MKLN1: variants seen among roughly 807,000 people sequenced by gnomAD.
MKLN1 encodes muskelin.
Under a neutral mutation model 99.0 loss-of-function variants are expected in MKLN1, and 18 were observed. The observed-to-expected ratio is 0.18, with a 90% CI of 0.13 to 0.27. MKLN1 has a LOEUF of 0.27. MKLN1 is among the 10% of genes least tolerant of loss of function. The pLI, the probability that MKLN1 is intolerant of heterozygous loss-of-function variation, is 1.00. For missense variants in MKLN1, 621 were observed against 875.9 expected (o/e 0.71, Z 3.67); for synonymous variants, 288 against 293.2 (o/e 0.98, Z 0.18).
At chr7:131,465,396 TTAATGTAATAG>T (rs1189372151) in intron 14 of MKLN1, among the ~76,000 whole-genome samples, 1 of 152,206 alleles carries the variant, frequency 6.6e-6, no homozygotes, top group Non-Finnish European at 1.5e-5. Context: ...AGATAATTGA[TTAATGTAATAG>T]TGAAATCATT....
In MKLN1 at chr7:131,466,270, T is replaced by G; in HGVS notation, c.1789-6T>G. 1.3e-6 allele frequency: 2 copies of G among 1,587,634 alleles called. No homozygotes were observed. Among genetic ancestry groups the G allele is most frequent in the Non-Finnish European group, 8.6e-7 (1 of 1,164,152 alleles). The stretch of plus-strand genomic sequence containing the variant: ...TTAAAAATCTGGCTTATTTTGCTTA[T>G]TATAGGTTCATTACTTATTTGGTGG... On this transcript the variant is annotated splice_polypyrimidine_tract_variant and splice_region_variant and intron_variant, in intron 14 of 17. Coordinates refer to ENST00000352689, the MANE Select transcript of MKLN1 (RefSeq NM_013255.5).
chr7:131,410,894 T>C (rs1794854267), intron 6 of MKLN1, among the ~76,000 whole-genome samples: 1 of 152,206 alleles, frequency 6.6e-6, no homozygotes, highest in African/African-American at 2.4e-5. Flanking sequence ...TTTCTCCTGC[T>C]TCTATTTTGC....
In MKLN1 at chr7:131,397,341, G is replaced by C. The variant is rs1225445035; in HGVS notation, c.475G>C (p.Asp159His). ...TGAACTTAGTGGCATTGATGATCCT[G>C]ATATAGTACAACCTTGTCTCAACTG... Reference protein sequence around the residue: ...YVELSGIDDPDIVQPCLNWYS... With the variant: ...YVELSGIDDPHIVQPCLNWYS... The change falls in exon 5 of 18, where the codon GAT becomes CAT. Residue 159 changes from aspartate (D) to histidine (H), a missense_variant. Transcript: ENST00000352689. The C allele has an allele frequency of 3.1e-6, 5 of 1,612,396 alleles. No homozygotes were observed. Among genetic ancestry groups the C allele is most frequent in the African/African-American group, 1.3e-5 (1 of 74,850 alleles).
At chr7:131,238,006 G>A (rs1040939033) in intron 3 of MKLN1, among the ~76,000 whole-genome samples, 2 of 152,122 alleles carry the variant, frequency 1.3e-5, no homozygotes, top group African/African-American at 2.4e-5. Context: ...AATTATCTGG[G>A]CATGGTGGTG....
chr7:131,408,638 A>G (rs1010964792), intron 6 of MKLN1, among the ~76,000 whole-genome samples: 1 of 151,982 alleles, frequency 6.6e-6, no homozygotes, highest in Non-Finnish European at 1.5e-5. Context: ...GTATGTGGGC[A>G]TGTGTGTGCA....
At chr7:131,401,556 C>T (rs1302930951) in intron 6 of MKLN1, among the ~76,000 whole-genome samples, 1 of 152,154 alleles carries the variant, frequency 6.6e-6, no homozygotes, top group Non-Finnish European at 1.5e-5. Context: ...CTACCTTTCT[C>T]CCTTTGTCTT....
At chr7:131,416,951 CT>C (rs1401737861) in intron 8 of MKLN1, among the ~76,000 whole-genome samples, 4 of 144,316 alleles carry the variant, frequency 2.8e-5, no homozygotes, top group African/African-American at 5.2e-5. Flanking sequence ...CACTGCACAC[CT>C]GCCTGGGCAA....
chr7:131,335,959 G>A (rs1584617917), intron 1 of MKLN1, among the ~76,000 whole-genome samples: 1 of 150,194 alleles, frequency 6.7e-6, no homozygotes, highest in Non-Finnish European at 1.5e-5. Context: ...TTATTGTGTT[G>A]TACAAATCTT....
intron 1 of MKLN1, among the ~76,000 whole-genome samples, chr7:131,333,521 G>GTAGTTTT (rs1799156934): frequency 6.6e-6 from 1 of 152,034 alleles, no homozygotes; most frequent in African/African-American, 2.4e-5. Context: ...GAGTCATGAG[G>GTAGTTTT]TAGTTTTGCT....
chr7:131,413,793 C>T (rs1233345560), intron 7 of MKLN1, among the ~76,000 whole-genome samples: 1 of 152,170 alleles, frequency 6.6e-6, no homozygotes, highest in Non-Finnish European at 1.5e-5. Context: ...CCCACCTTGG[C>T]CTCCCAGAGT....
intron 1 of MKLN1, among the ~76,000 whole-genome samples, chr7:131,366,965 G>A (rs999509819): frequency 6.6e-6 from 1 of 152,118 alleles, no homozygotes; most frequent in South Asian, 2.1e-4. Flanking sequence ...GTAATCGTTT[G>A]TTACTGACAT....
At chr7:131,234,325 A>C (rs1332336122) in intron 3 of MKLN1, among the ~76,000 whole-genome samples, 3 of 152,190 alleles carry the variant, frequency 2.0e-5, no homozygotes, top group Non-Finnish European at 4.4e-5. Context: ...GGGAAGAAGA[A>C]GAAAATTAAC....
chr7:131,435,925 C>T (rs1444469859), intron 9 of MKLN1, among the ~76,000 whole-genome samples: 1 of 151,704 alleles, frequency 6.6e-6, no homozygotes, highest in Non-Finnish European at 1.5e-5. Context: ...ACTTGGTCAT[C>T]ATTTTAATAT....
intron 1 of MKLN1, among the ~76,000 whole-genome samples, chr7:131,141,368 T>C (rs1346365376): frequency 6.6e-6 from 1 of 152,236 alleles, no homozygotes; most frequent in African/African-American, 2.4e-5. Flanking sequence ...TCTTAGTGAA[T>C]GATATCCACT....
chr7:131,407,318 CTTTT>C (rs953356077), intron 6 of MKLN1, among the ~76,000 whole-genome samples: 1 of 151,684 alleles, frequency 6.6e-6, no homozygotes, highest in African/African-American at 2.4e-5. Context: ...GAGAGAGTTG[CTTTT>C]TTTTATTTGT....
At chr7:131,449,674 C>G (rs984070490) in intron 12 of MKLN1, among the ~76,000 whole-genome samples, 4 of 151,536 alleles carry the variant, frequency 2.6e-5, no homozygotes, top group African/African-American at 9.7e-5. Flanking sequence ...TCATCTCTGC[C>G]TCTCTCACTT....
chr7:131,443,150 G>A (rs751555755), intron 10 of MKLN1, among the ~76,000 whole-genome samples: 1 of 151,986 alleles, frequency 6.6e-6, no homozygotes, highest in Non-Finnish European at 1.5e-5. Context: ...TTATAAGGAG[G>A]GTATGATCAC....
chr7:131,294,620 T>C (rs2116605975), intron 3 of MKLN1, among the ~76,000 whole-genome samples: 1 of 152,278 alleles, frequency 6.6e-6, no homozygotes, highest in East Asian at 1.9e-4. Context: ...AAACCAGGTG[T>C]GGAGAGCTAG....
chr7:131,250,936 ATTTTT>A (rs61277190), intron 3 of MKLN1, among the ~76,000 whole-genome samples: 16 of 148,732 alleles, frequency 1.1e-4, no homozygotes, highest in Admixed American at 2.7e-4. Context: ...TGGGAAGTTA[ATTTTT>A]TTTTTTGTTT....
Sources: gnomAD v4.1 joint callset for allele counts (sites outside exome capture counted in the v4.1 genomes callset) on GRCh38, gnomAD v4.1.1 for gene constraint, MANE v1.5 for transcripts, NCBI Gene and HGNC (gene_info 2026-07-23, HGNC 2026-07-21) for gene names.